ORC3: variants seen among roughly 807,000 people sequenced by gnomAD.
The protein encoded by ORC3 is origin recognition complex subunit 3.
In ORC3, 78 loss-of-function variants were observed where a neutral mutation model predicts 100.7. That is an observed-to-expected ratio of 0.77 (90% CI 0.65 to 0.94). ORC3 has a LOEUF of 0.94. Among genes scored for constraint, ORC3 ranks in the 40% least tolerant of loss-of-function variants. ORC3 has a pLI of 0.00. For missense variants in ORC3, 789 were observed against 823.9 expected (o/e 0.96, Z 0.52); for synonymous variants, 295 against 289.3 (o/e 1.02, Z -0.20).
At chr6:87,668,727 A>T (rs1473972073), downstream of ORC3, among the ~76,000 whole-genome samples, 14 of 152,208 alleles carry the variant, frequency 9.2e-5, no homozygotes, top group Admixed American at 9.2e-4. Flanking sequence ...TCGCGCCTGT[A>T]ATCCCAGCAC....
chr6:87,597,638 A>G (rs1195474571), intron 2 of ORC3, among the ~76,000 whole-genome samples: 2 of 151,864 alleles, frequency 1.3e-5, no homozygotes, highest in Non-Finnish European at 2.9e-5. Context: ...GATAACTTGA[A>G]TATATAGAAT....
At chr6:87,616,570 C>A in intron 9 of ORC3, 143 bp downstream of exon 9, 1 of 486,060 alleles carries the variant, frequency 2.1e-6, no homozygotes. Context: ...CTAGGTTCTA[C>A]AATTCCTTTG....
intron 16 of ORC3, among the ~76,000 whole-genome samples, chr6:87,660,633 G>A (rs984547851): frequency 6.6e-6 from 1 of 152,224 alleles, no homozygotes; most frequent in Non-Finnish European, 1.5e-5. Flanking sequence ...GATCTTGAGA[G>A]ATGAGAATAA....
At chr6:87,639,459 A>G (rs1192939609) in intron 13 of ORC3, among the ~76,000 whole-genome samples, 1 of 152,148 alleles carries the variant, frequency 6.6e-6, no homozygotes, top group Non-Finnish European at 1.5e-5. Flanking sequence ...CTCCCAGCAC[A>G]AAGTTGCATT....
chr6:87,626,187 A>G (rs921933199), intron 11 of ORC3, among the ~76,000 whole-genome samples: 1 of 152,168 alleles, frequency 6.6e-6, no homozygotes, highest in African/African-American at 2.4e-5. Context: ...TTGGTTCCAT[A>G]TGAACTTTAA....
At chr6:87,609,006 T>A in intron 6 of ORC3, 90 bp from the exon 7 acceptor site, 3 of 1,054,090 alleles carry the variant, frequency 2.8e-6, no homozygotes, top group Non-Finnish European at 4.0e-6. Flanking sequence ...TTGTGAAATT[T>A]AAAGAGAGAT....
chr6:87,591,150 A>G (rs980309459), intron 1 of ORC3, among the ~76,000 whole-genome samples: 2 of 152,252 alleles, frequency 1.3e-5, no homozygotes, highest in African/African-American at 4.8e-5. Context: ...CATTTTAGAT[A>G]GTGCAGATAT....
intron 18 of ORC3, 144 bp from the exon 19 acceptor site, chr6:87,665,610 G>T: frequency 9.0e-6 from 5 of 553,894 alleles, no homozygotes; most frequent in Non-Finnish European, 9.8e-6. Context: ...GGTTTAAAGT[G>T]ATCATCAGTG....
intron 11 of ORC3, among the ~76,000 whole-genome samples, chr6:87,627,074 T>G (rs1779958043): frequency 6.6e-6 from 1 of 152,002 alleles, no homozygotes; most frequent in Non-Finnish European, 1.5e-5. Flanking sequence ...CTCGGCTCAC[T>G]GCAACCTCCA....
At chr6:87,633,029 A>G (rs1316326582) in intron 11 of ORC3, among the ~76,000 whole-genome samples, 4 of 152,204 alleles carry the variant, frequency 2.6e-5, no homozygotes, top group Non-Finnish European at 1.5e-5. Flanking sequence ...TTGAGTATGC[A>G]GTATTGCCCT....
At chr6:87,631,339 A>G (rs1486531433) in intron 11 of ORC3, among the ~76,000 whole-genome samples, 2 of 152,216 alleles carry the variant, frequency 1.3e-5, no homozygotes, top group East Asian at 1.9e-4. Context: ...GAAAAGAATC[A>G]TTGTAAACAC....
Position 87,596,191 on chromosome 6 carries a change from C to A in ORC3, c.79+1784C>A, listed in dbSNP as rs1219748686. On this transcript the variant is annotated intron_variant, in intron 2 of 19. Coordinates refer to ENST00000392844, the MANE Select transcript of ORC3 (RefSeq NM_012381.4). ...TTTTTTTGAGACGGAGTCTAGCTCT[C>A]AGCATGATCTCAGCTCACTGCAACC... is the stretch of plus-strand genomic sequence containing the variant. Among the ~76,000 whole-genome samples, 4 of 149,164 alleles carry A rather than the reference C, an allele frequency of 2.7e-5. No homozygotes were observed. In the East Asian group the frequency reaches 7.9e-4, roughly 29 times the overall value.
chr6:87,598,282 C>T (rs1777615369), intron 2 of ORC3, among the ~76,000 whole-genome samples: 1 of 152,156 alleles, frequency 6.6e-6, no homozygotes, highest in Non-Finnish European at 1.5e-5. Context: ...CTTGGCCTCC[C>T]AAAGCGCTGG....
downstream of ORC3, among the ~76,000 whole-genome samples, chr6:87,671,262 A>G (rs944798869): frequency 4.2e-4 from 64 of 152,114 alleles, no homozygotes; most frequent in Admixed American, 4.1e-3. Context: ...TAATCCAAGC[A>G]AGCTATGATA....
chr6:87,599,345 C>CT (rs111578013), intron 2 of ORC3, among the ~76,000 whole-genome samples: 8,194 of 139,792 alleles, frequency 0.059, 235 homozygotes, highest in East Asian at 0.1. Context: ...TGCTTTGTCT[C>CT]TTTTTTTTAT....
chr6:87,606,981 A>G (rs1474228720), intron 5 of ORC3, among the ~76,000 whole-genome samples: 1 of 152,244 alleles, frequency 6.6e-6, no homozygotes, highest in Admixed American at 6.5e-5. Flanking sequence ...TGGCTATATG[A>G]AAGATTTATA....
rs1337962727 is a variant in ORC3 at position 87,599,933 on chromosome 6, A to G, written c.80-1851A>G. Among the ~76,000 whole-genome samples the G allele has an allele frequency of 4.6e-5, 7 of 152,232 alleles. No individual in the cohort carries two copies. The East Asian group carries it at 7.8e-4, about 17-fold the overall frequency. On this transcript the variant is annotated intron_variant, in intron 2 of 19. Coordinates refer to ENST00000392844, the MANE Select transcript of ORC3 (RefSeq NM_012381.4). ...GGTTGCAGTAAGCTGAGATCTCACC[A>G]CTTCACTCCAGCCTGGGCAACAGAG...
the ORC3 span, among the ~76,000 whole-genome samples, chr6:87,676,202 C>T: frequency 3.9e-5 from 6 of 152,112 alleles, no homozygotes; most frequent in South Asian, 2.1e-4. Context: ...CGGTGGCTCA[C>T]GCCTGTAATC....
At chr6:87,663,208 T>C (rs1489143569) in intron 17 of ORC3, 64 bp downstream of exon 17, 3 of 1,258,346 alleles carry the variant, frequency 2.4e-6, no homozygotes, top group Non-Finnish European at 3.3e-6. Context: ...GTCATAAAAA[T>C]ATACTAAATT....
Sources: gnomAD v4.1 joint callset for allele counts (sites outside exome capture counted in the v4.1 genomes callset) on GRCh38, gnomAD v4.1.1 for gene constraint, MANE v1.5 for transcripts, NCBI Gene and HGNC (gene_info 2026-07-23, HGNC 2026-07-21) for gene names.